SH3TC2: variants seen among roughly 807,000 people sequenced by gnomAD.
SH3TC2 encodes the protein SH3 domain and tetratricopeptide repeats 2, also known as SH3 domain and tetratricopeptide repeat-containing protein 2.
SH3TC2 carries 87 observed loss-of-function variants against 124.5 expected under a neutral mutation model. The observed-to-expected ratio is 0.70, with a 90% CI of 0.59 to 0.84. SH3TC2 has a LOEUF of 0.84. Ranked by LOEUF, SH3TC2 falls within the 40% of genes least tolerant of loss-of-function variation. SH3TC2 has a pLI of 0.00. For synonymous variants in SH3TC2, 634 were observed against 628.5 expected (o/e 1.01, Z -0.13); for missense variants, 1,536 against 1,566.4 (o/e 0.98, Z 0.33).
At chr5:149,049,114 G>T (rs1754514205) in intron 2 of SH3TC2, among the ~76,000 whole-genome samples, 1 of 152,176 alleles carries the variant, frequency 6.6e-6, no homozygotes, top group Non-Finnish European at 1.5e-5. Flanking sequence ...TGAAAATGCT[G>T]TGGCTGCAAA....
rs1753535239 is a variant in SH3TC2, at chr5:148,997,815, A to G, written c.*6896T>C. The stretch of plus-strand genomic sequence containing the variant: ...TCTCTAAACCTCAGTGGAGATAAAA[A>G]TAATAGTAACTACACCAAAATGTTG... On this transcript the variant is annotated 3_prime_UTR_variant, in exon 17 of 17. Transcript: ENST00000515425. 6.6e-6 allele frequency among the ~76,000 whole-genome samples: 1 copy of G among 152,258 alleles called. No homozygotes were observed. Among genetic ancestry groups the G allele is most frequent in the Non-Finnish European group, 1.5e-5 (1 of 68,042 alleles).
chr5:149,008,580 C>T (rs944405913), intron 15 of SH3TC2: 1 of 530,110 alleles, frequency 1.9e-6, no homozygotes, highest in Non-Finnish European at 3.4e-6. Context: ...ACCATGTACC[C>T]AGGATTGTGC....
chr5:149,046,036 GA>G, intron 3 of SH3TC2: 1 of 360,030 alleles, frequency 2.8e-6, no homozygotes, highest in South Asian at 2.0e-5. Flanking sequence ...CAAGCCTCCG[GA>G]GTTGACTGTA....
rs779429020 is a variant in SH3TC2 at position 149,038,474 on chromosome 5, C to T, written c.822G>A (p.Lys274=). ...GSYQIGRGRC[K]ALTGYEPGEK... ...CTCCTGGCTCATAACCCGTCAAGGCCTTACAGCGTCCTCTGCCTGTGGAAA... is the reference window on the plus strand; with the variant it reads ...CTCCTGGCTCATAACCCGTCAAGGCTTTACAGCGTCCTCTGCCTGTGGAAA... The change falls in exon 8 of 17, where the codon AAG becomes AAA. Residue 274 remains lysine (K), a synonymous_variant. Coordinates refer to ENST00000515425, the MANE Select transcript of SH3TC2 (RefSeq NM_024577.4). 1.2e-6 allele frequency: 2 copies of T among 1,614,036 alleles called. No individual in the cohort carries two copies. The highest frequency in any genetic ancestry group is 1.7e-5 in the Admixed American group (1 of 60,016).
intron 12 of SH3TC2, among the ~76,000 whole-genome samples, chr5:149,014,058 T>C (rs1439932857): frequency 6.6e-6 from 1 of 152,224 alleles, no homozygotes; most frequent in African/African-American, 2.4e-5. Flanking sequence ...ATAACTTACA[T>C]ATGTTTGCAC....
At chr5:149,028,841 A>T (rs954375386) in intron 9 of SH3TC2, 123 bp from the exon 10 acceptor site, 2 of 946,850 alleles carry the variant, frequency 2.1e-6, no homozygotes, top group Middle Eastern at 4.6e-4. Flanking sequence ...TTCAGTCATC[A>T]TTAAGGAACA....
chr5:149,027,203 TC>T lies in SH3TC2; in HGVS notation c.2528del (p.Gly843AspfsTer10), dbSNP rs777114017. The T allele has an allele frequency of 6.2e-7, 1 of 1,614,198 alleles. No homozygotes were observed. The highest frequency in any genetic ancestry group is 8.5e-7 in the Non-Finnish European group (1 of 1,180,048). On this transcript the variant is annotated frameshift_variant, in exon 11 of 17. Transcript: ENST00000515425. LOFTEE classifies it high-confidence loss of function. ...TQRGVIYNLL[G>X]LALQGEGRVN... ...CCCGGCCTTCACCTTGGAGTGCAAG[TC>T]CCAGGAGGTTATAGATGACTCCCCT... is the stretch of plus-strand genomic sequence containing the variant.
intron 6 of SH3TC2, 29 bp downstream of exon 6, chr5:149,041,387 T>C: frequency 1.2e-6 from 2 of 1,609,510 alleles, no homozygotes; most frequent in Non-Finnish European, 1.7e-6. Flanking sequence ...GCTCTGGGAC[T>C]TGCTCCCAGG....
Position 148,995,966 on chromosome 5 carries a change from G to C in SH3TC2, c.*8745C>G, listed in dbSNP as rs923378825. 2.6e-5 allele frequency among the ~76,000 whole-genome samples: 4 copies of C among 152,100 alleles called. No homozygotes were observed. Among genetic ancestry groups the C allele is most frequent in the African/African-American group, 7.2e-5 (3 of 41,432 alleles). Reference sequence around the variant, plus strand: ...AAGAAAAAAGAGACCAACTGGCCGGGTGCCATGGCTCACACCTGTTACCCC... The same window carrying C: ...AAGAAAAAAGAGACCAACTGGCCGGCTGCCATGGCTCACACCTGTTACCCC... On this transcript the variant is annotated 3_prime_UTR_variant, in exon 17 of 17. Coordinates refer to ENST00000515425, the MANE Select transcript of SH3TC2 (RefSeq NM_024577.4).
intron 2 of SH3TC2, among the ~76,000 whole-genome samples, chr5:149,050,281 T>C (rs114967349): frequency 8.4e-4 from 128 of 152,296 alleles, no homozygotes; most frequent in African/African-American, 2.9e-3. Flanking sequence ...TTTCATGAAG[T>C]GTATTGTGTC....
At chr5:149,031,073 GTGGAT>G (rs1439611727) in intron 9 of SH3TC2, among the ~76,000 whole-genome samples, 6 of 152,354 alleles carry the variant, frequency 3.9e-5, no homozygotes, top group African/African-American at 1.4e-4. Context: ...GTGTGGTAAA[GTGGAT>G]TGCTCTGACT....
chr5:149,044,691 C>A, intron 3 of SH3TC2, 53 bp from the exon 4 acceptor site: 10 of 1,396,678 alleles, frequency 7.2e-6, no homozygotes, highest in Non-Finnish European at 1.0e-5. Flanking sequence ...GTCCCATTAG[C>A]AAGCTCTTAT....
chr5:149,016,211 G>T (rs575494984), intron 12 of SH3TC2, among the ~76,000 whole-genome samples: 2 of 152,194 alleles, frequency 1.3e-5, no homozygotes, highest in East Asian at 1.9e-4. Context: ...AAAAAATAAG[G>T]CTTGGTAAGG....
At position 149,052,074 on chromosome 5, in the gene SH3TC2, G is replaced by C. The variant is rs963919058; in HGVS notation, c.151+68C>G. Reference sequence around the variant, plus strand: ...GAAAGAGGGAGGGGCTCTTTAGATGGGAAAGATAAAGAGGTTATCGCAATA... The same window carrying C: ...GAAAGAGGGAGGGGCTCTTTAGATGCGAAAGATAAAGAGGTTATCGCAATA... On this transcript the variant is annotated intron_variant, in intron 2 of 16. Transcript: ENST00000515425. The C allele has an allele frequency of 8.6e-5, 96 of 1,111,892 alleles. 1 individual carries two copies. The Admixed American group carries it at 1.6e-3, about 18-fold the overall frequency. The allele number at this position is 1,111,892 out of a possible 1,614,324, so 68.9% of individuals were successfully genotyped here. A position where few individuals can be genotyped will look rare whatever the true frequency, so the allele number is the denominator to read the frequency against.
intron 1 of SH3TC2, among the ~76,000 whole-genome samples, chr5:149,058,744 G>GACTA (rs760772937): frequency 1.3e-5 from 2 of 152,046 alleles, no homozygotes; most frequent in African/African-American, 2.4e-5. Flanking sequence ...GTAGTTGTGG[G>GACTA]ACTAAAATGG....
chr5:149,056,305 T>A (rs1754646604), intron 1 of SH3TC2, among the ~76,000 whole-genome samples: 1 of 152,130 alleles, frequency 6.6e-6, no homozygotes, highest in African/African-American at 2.4e-5. Context: ...GTTGTTTTCC[T>A]CTTTGTGTTT....
intron 3 of SH3TC2, chr5:149,046,003 T>C: frequency 2.4e-6 from 1 of 416,032 alleles, no homozygotes; most frequent in East Asian, 8.5e-5. Context: ...AGACTTAGTT[T>C]TCCCTTAAAT....
chr5:149,031,770 T>C, intron 8 of SH3TC2, 83 bp from the exon 9 acceptor site: 2 of 1,589,836 alleles, frequency 1.3e-6, no homozygotes, highest in Non-Finnish European at 1.7e-6. Context: ...TAGGATGTAG[T>C]GGAGGATGCA....
chr5:149,001,122 C>A lies in SH3TC2; in HGVS notation c.*3589G>T, dbSNP rs1044470297. 6.6e-6 allele frequency among the ~76,000 whole-genome samples: 1 copy of A among 152,100 alleles called. No individual in the cohort carries two copies. Among genetic ancestry groups the A allele is most frequent in the Admixed American group, 6.5e-5 (1 of 15,268 alleles). ...CATATTCCCTTCCCCAAATAAACTTCTGCCAAATGAGGTGCATTATATTTA... is the reference window on the plus strand; with the variant it reads ...CATATTCCCTTCCCCAAATAAACTTATGCCAAATGAGGTGCATTATATTTA... On this transcript the variant is annotated 3_prime_UTR_variant, in exon 17 of 17. Transcript: ENST00000515425.
Sources: gnomAD v4.1 joint callset for allele counts (sites outside exome capture counted in the v4.1 genomes callset) on GRCh38, gnomAD v4.1.1 for gene constraint, MANE v1.5 for transcripts, NCBI Gene and HGNC (gene_info 2026-07-23, HGNC 2026-07-21) for gene names.